Variants in MTFR1 observed in about 807,000 individuals in gnomAD.
The protein encoded by MTFR1 is chondrocyte protein with a poly-proline region.
A neutral mutation model predicts 38.8 loss-of-function variants in MTFR1; 28 were observed. The observed-to-expected ratio is 0.72, with a 90% CI of 0.53 to 0.99. The LOEUF is 0.99. Ranked by LOEUF, MTFR1 falls within the 50% of genes least tolerant of loss-of-function variation. The pLI is 0.00. For synonymous variants in MTFR1, 145 were observed against 137.0 expected (o/e 1.06, Z -0.41); for missense variants, 358 against 395.5 (o/e 0.91, Z 0.81).
intron 3 of MTFR1, among the ~76,000 whole-genome samples, chr8:65,749,549 G>A (rs1214986072): frequency 1.3e-5 from 2 of 152,316 alleles, no homozygotes; most frequent in East Asian, 3.9e-4. Flanking sequence ...TGATGATTAT[G>A]TTTAAACTAG....
chr8:65,774,704 T>G (rs1026631265), downstream of MTFR1, among the ~76,000 whole-genome samples: 5 of 151,762 alleles, frequency 3.3e-5, no homozygotes, highest in African/African-American at 4.8e-5. Flanking sequence ...CTAAATATTG[T>G]TTAAATTTAT....
intron 1 of MTFR1, among the ~76,000 whole-genome samples, chr8:65,667,795 G>T (rs893651327): frequency 6.6e-6 from 1 of 152,114 alleles, no homozygotes; most frequent in African/African-American, 2.4e-5. Flanking sequence ...TAGGTTCAAG[G>T]TTTGTCTAAT....
chr8:65,683,204 T>C (rs1804961566), intron 3 of MTFR1, among the ~76,000 whole-genome samples: 1 of 147,956 alleles, frequency 6.8e-6, no homozygotes, highest in Admixed American at 6.9e-5. Flanking sequence ...GGATCTCAGC[T>C]CACTGCAATC....
Position 65,682,457 on chromosome 8 carries a change from A to G in MTFR1, c.165+6A>G. 1 of 1,277,046 alleles carries G rather than the reference A, an allele frequency of 7.8e-7. No individual in the cohort carries two copies. Among genetic ancestry groups the G allele is most frequent in the South Asian group, 2.0e-5 (1 of 50,734 alleles). The allele number at this position is 1,277,046 out of a possible 1,614,324, so 79.1% of individuals were successfully genotyped here. On this transcript the variant is annotated splice_donor_region_variant and intron_variant, in intron 3 of 7. Coordinates refer to ENST00000262146, the MANE Select transcript of MTFR1 (RefSeq NM_014637.4). ...GTCCAAGAGTTCAGTTTCAGGTATT[A>G]TATTTTATATATTTTAAGTATTTTA...
At chr8:65,737,342 GT>G (rs1442500850) in intron 3 of MTFR1, among the ~76,000 whole-genome samples, 2 of 152,084 alleles carry the variant, frequency 1.3e-5, no homozygotes, top group Admixed American at 6.5e-5. Flanking sequence ...AATGTGCAAA[GT>G]GGGGATATGC....
At chr8:65,663,502 G>T (rs1439050644) in intron 1 of MTFR1, among the ~76,000 whole-genome samples, 1 of 143,246 alleles carries the variant, frequency 7.0e-6, no homozygotes, top group East Asian at 2.0e-4. Flanking sequence ...ATCCCCCTCT[G>T]CGAGAAACAC....
chr8:65,734,743 C>A, intron 3 of MTFR1: 1 of 1,032,386 alleles, frequency 9.7e-7, no homozygotes, highest in Non-Finnish European at 1.5e-6. Context: ...GAAAGTAAAT[C>A]AAAAGGAATT....
At chr8:65,651,208 G>A (rs1169984899) in intron 1 of MTFR1, among the ~76,000 whole-genome samples, 1 of 152,168 alleles carries the variant, frequency 6.6e-6, no homozygotes, top group Non-Finnish European at 1.5e-5. Flanking sequence ...CCCTTGTCAG[G>A]TGAATAGTTT....
chr8:65,751,243 T>G (rs1807939723), intron 3 of MTFR1, among the ~76,000 whole-genome samples: 1 of 152,222 alleles, frequency 6.6e-6, no homozygotes, highest in Non-Finnish European at 1.5e-5. Context: ...CAAAGTTTTG[T>G]CTAAGATTTA....
In MTFR1 at chr8:65,709,399, G is replaced by A. The variant is rs1805879334; in HGVS notation, c.*355G>A. 5.6e-6 allele frequency: 1 copy of A among 178,926 alleles called. No homozygotes were observed. The highest frequency in any genetic ancestry group is 1.7e-4 in the South Asian group (1 of 5,982). The allele number at this position is 178,926 out of a possible 1,614,324, so 11.1% of individuals were successfully genotyped here. Reference sequence around the variant, plus strand: ...TTAACACTAATTTATCTGTATAAGTGTTTTATATGCATATTTTTGGACATA... The same window carrying A: ...TTAACACTAATTTATCTGTATAAGTATTTTATATGCATATTTTTGGACATA... On this transcript the variant is annotated 3_prime_UTR_variant, in exon 8 of 8. Transcript: ENST00000262146.
chr8:65,742,642 A>G (rs764514808), intron 3 of MTFR1, among the ~76,000 whole-genome samples: 5 of 152,250 alleles, frequency 3.3e-5, no homozygotes, highest in Non-Finnish European at 7.3e-5. Context: ...CTTCAGGTGA[A>G]GCAGTTTTAA....
chr8:65,726,500 G>T (rs953656198), intron 3 of MTFR1, among the ~76,000 whole-genome samples: 21 of 152,208 alleles, frequency 1.4e-4, no homozygotes, highest in African/African-American at 5.1e-4. Context: ...TAATGTAATA[G>T]AATGTTTACA....
intron 4 of MTFR1, among the ~76,000 whole-genome samples, chr8:65,703,148 C>G (rs1019339158): frequency 1.1e-4 from 16 of 149,996 alleles, no homozygotes; most frequent in African/African-American, 3.4e-4. Context: ...AATCCCAACA[C>G]TTTGGGAGGC....
chr8:65,728,467 C>T (rs916742381), intron 3 of MTFR1: 4 of 152,110 alleles, frequency 2.6e-5, no homozygotes, highest in African/African-American at 9.7e-5. Context: ...TACCTGGAAG[C>T]AGAGATGCAT....
intron 1 of MTFR1, among the ~76,000 whole-genome samples, chr8:65,650,114 C>T (rs1809078732): frequency 6.6e-6 from 1 of 152,024 alleles, no homozygotes; most frequent in Non-Finnish European, 1.5e-5. Context: ...GCTGGGATTA[C>T]AGCTGTGAGC....
chr8:65,774,317 A>ACAT (rs1809195509), downstream of MTFR1, among the ~76,000 whole-genome samples: 1 of 111,774 alleles, frequency 8.9e-6, no homozygotes, highest in African/African-American at 6.4e-5. Flanking sequence ...TATAGTGAGA[A>ACAT]TATTATAAAA....
At chr8:65,676,696 T>C (rs1364362301) in intron 2 of MTFR1, among the ~76,000 whole-genome samples, 1 of 152,190 alleles carries the variant, frequency 6.6e-6, no homozygotes, top group Non-Finnish European at 1.5e-5. Context: ...GTTAAATTTA[T>C]AGTTTTTCCT....
intron 2 of MTFR1, among the ~76,000 whole-genome samples, chr8:65,677,766 C>G (rs1349664594): frequency 1.3e-5 from 2 of 151,308 alleles, no homozygotes; most frequent in Non-Finnish European, 2.9e-5. Context: ...GCCTGTAATC[C>G]CAGCACTTTG....
At chr8:65,778,488 C>T in the MTFR1 span, among the ~76,000 whole-genome samples, 1 of 152,152 alleles carries the variant, frequency 6.6e-6, no homozygotes, top group African/African-American at 2.4e-5. Flanking sequence ...CCATTCCAAT[C>T]AAAGACCAAG....
Sources: allele counts gnomAD v4.1 joint callset (sites outside exome capture counted in the v4.1 genomes callset), GRCh38; gene constraint gnomAD v4.1.1; transcripts MANE v1.5; gene names NCBI Gene and HGNC (gene_info 2026-07-23, HGNC 2026-07-21).